The following UQCC1 variants were observed in gnomAD, a reference collection of about 807,000 sequenced individuals.
The protein encoded by UQCC1 is ubiquinol-cytochrome c reductase complex assembly factor 1, also known as bFGF-repressed Zic-binding protein.
In UQCC1, 38 loss-of-function variants were observed where a neutral mutation model predicts 48.0. That is an observed-to-expected ratio of 0.79 (90% CI 0.61 to 1.04). The LOEUF (loss-of-function observed/expected upper bound fraction) is 1.04, where lower values mean the gene tolerates loss of function less well. UQCC1 is among the 50% of genes least tolerant of loss of function. UQCC1 has a pLI of 0.00. For synonymous variants in UQCC1, 111 were observed against 129.2 expected (o/e 0.86, Z 0.95); for missense variants, 368 against 381.8 (o/e 0.96, Z 0.30).
At chr20:35,354,498 G>A (rs367727530) in intron 6 of UQCC1, among the ~76,000 whole-genome samples, 4 of 151,564 alleles carry the variant, frequency 2.6e-5, no homozygotes, top group African/African-American at 4.9e-5. Context: ...CTGGGTTCAC[G>A]CCATTCTTCT....
At chr20:35,328,488 G>A (rs1017093298) in intron 7 of UQCC1, among the ~76,000 whole-genome samples, 8 of 152,162 alleles carry the variant, frequency 5.3e-5, no homozygotes, top group Non-Finnish European at 8.8e-5. Flanking sequence ...TGCTACAAGC[G>A]ATGTAAGGTG....
chr20:35,313,709 G>C (rs998665291), intron 8 of UQCC1, among the ~76,000 whole-genome samples: 69 of 152,080 alleles, frequency 4.5e-4, no homozygotes, highest in African/African-American at 1.6e-3. Context: ...CGCCTCCCAG[G>C]TTCAAGAGAC....
At chr20:35,402,013 A>ACTAAT (rs780529799) in intron 1 of UQCC1, among the ~76,000 whole-genome samples, 17 of 152,186 alleles carry the variant, frequency 1.1e-4, no homozygotes, top group Middle Eastern at 3.2e-3. Context: ...TGCCATGGAT[A>ACTAAT]CTAACTCAAT....
intron 7 of UQCC1, among the ~76,000 whole-genome samples, chr20:35,331,046 C>A (rs1227094152): frequency 6.6e-6 from 1 of 152,058 alleles, no homozygotes; most frequent in Non-Finnish European, 1.5e-5. Flanking sequence ...TAGCCACAAA[C>A]ACCTATCGAA....
intron 6 of UQCC1, among the ~76,000 whole-genome samples, chr20:35,357,211 C>T (rs1186105933): frequency 6.6e-6 from 1 of 151,622 alleles, no homozygotes; most frequent in Non-Finnish European, 1.5e-5. Context: ...ATGACGAAAC[C>T]TCATCTCTAT....
At chr20:35,344,157 A>T (rs752831073) in intron 7 of UQCC1, 4 of 152,252 alleles carry the variant, frequency 2.6e-5, no homozygotes, top group Non-Finnish European at 5.9e-5. Context: ...TTCATTTGAC[A>T]ATTATTCAAT....
chr20:35,310,104 G>T (rs1162522969), intron 8 of UQCC1, among the ~76,000 whole-genome samples: 1 of 152,166 alleles, frequency 6.6e-6, no homozygotes, highest in Non-Finnish European at 1.5e-5. Context: ...ACTGTAGTTA[G>T]ATATTTACTG....
chr20:35,383,769 C>T (rs999127404), intron 3 of UQCC1, among the ~76,000 whole-genome samples: 1 of 151,930 alleles, frequency 6.6e-6, no homozygotes, highest in Admixed American at 6.6e-5. Flanking sequence ...GAGGATAGCT[C>T]GAGCTTGGGA....
At chr20:35,355,455 C>T (rs947928806) in intron 6 of UQCC1, among the ~76,000 whole-genome samples, 19 of 152,296 alleles carry the variant, frequency 1.2e-4, no homozygotes, top group African/African-American at 4.6e-4. Flanking sequence ...ATCGAATTTA[C>T]TAGGTAGTTA....
At chr20:35,371,405 T>C (rs1413203746) in intron 5 of UQCC1, among the ~76,000 whole-genome samples, 1 of 151,192 alleles carries the variant, frequency 6.6e-6, no homozygotes, top group Non-Finnish European at 1.5e-5. Context: ...TGGTGTGATC[T>C]CGACTCACTG....
intron 5 of UQCC1, among the ~76,000 whole-genome samples, chr20:35,373,097 T>C (rs1440584377): frequency 6.6e-6 from 1 of 152,162 alleles, no homozygotes; most frequent in Non-Finnish European, 1.5e-5. Flanking sequence ...ATTTAATCTC[T>C]CCCAATTACA....
In UQCC1 at chr20:35,393,481, C is replaced by T. The variant is rs1228682699; in HGVS notation, c.129+611G>A. Reference sequence around the variant, plus strand: ...ATAACATTACATATACATACACACACACACACACACAAACACACACAAACA... The same window carrying T: ...ATAACATTACATATACATACACACATACACACACACAAACACACACAAACA... On this transcript the variant is annotated intron_variant, in intron 2 of 9. Transcript: ENST00000374385. Among the ~76,000 whole-genome samples, 7 of 129,662 alleles carry T rather than the reference C, an allele frequency of 5.4e-5. No homozygotes were observed. The Admixed American group carries it at 6.0e-4, about 11-fold the overall frequency. The allele number at this position is 129,662 out of a possible 152,430, so 85.1% of individuals were successfully genotyped here. A position where few individuals can be genotyped will look rare whatever the true frequency, so the allele number is the denominator to read the frequency against.
chr20:35,320,482 T>G (rs1404947182), intron 7 of UQCC1, among the ~76,000 whole-genome samples: 2 of 152,082 alleles, frequency 1.3e-5, no homozygotes, highest in Non-Finnish European at 2.9e-5. Flanking sequence ...CTGGAAGGAA[T>G]GTAGCTGCCC....
intron 5 of UQCC1, among the ~76,000 whole-genome samples, chr20:35,371,357 A>G (rs1156753468): frequency 7.5e-6 from 1 of 132,460 alleles, no homozygotes; most frequent in Non-Finnish European, 1.6e-5. Flanking sequence ...TTTTTTTTTG[A>G]GATGGAGTCT....
At chr20:35,356,509 C>T (rs887367815) in intron 6 of UQCC1, among the ~76,000 whole-genome samples, 12 of 152,330 alleles carry the variant, frequency 7.9e-5, no homozygotes, top group African/African-American at 2.9e-4. Context: ...AACACAACTA[C>T]GTGCCAGGCA....
intron 4 of UQCC1, 66 bp downstream of exon 4, chr20:35,381,852 A>T: frequency 1.0e-6 from 1 of 963,276 alleles, no homozygotes; most frequent in Non-Finnish European, 1.6e-6. Context: ...AAGCTTTAAA[A>T]AATCTATTAG....
intron 5 of UQCC1, among the ~76,000 whole-genome samples, chr20:35,371,057 T>A (rs2061724108): frequency 6.6e-6 from 1 of 152,216 alleles, no homozygotes; most frequent in African/African-American, 2.4e-5. Context: ...TATAAAACCA[T>A]ACTATATGAG....
Position 35,403,045 on chromosome 20 carries a change from G to C in UQCC1, c.25-8849C>G, listed in dbSNP as rs1266017297. On this transcript the variant is annotated intron_variant, in intron 1 of 9. Coordinates refer to ENST00000374385, the MANE Select transcript of UQCC1 (RefSeq NM_018244.5). ...TCGCGCCATTGCACTCCAGCCTAGG[G>C]GACAAGAGCGAGACTTCGTCTCAAA... Among the ~76,000 whole-genome samples the C allele has an allele frequency of 5.3e-5, 8 of 150,198 alleles. No individual in the cohort carries two copies. In the Admixed American group the frequency reaches 5.4e-4, roughly 10 times the overall value.
intron 1 of UQCC1, among the ~76,000 whole-genome samples, chr20:35,409,758 G>A (rs1437157753): frequency 2.6e-5 from 4 of 151,242 alleles, no homozygotes; most frequent in Admixed American, 2.6e-4. Flanking sequence ...TGGCTGACAA[G>A]ACAAAAAGAG....
Sources: gnomAD v4.1 joint callset for allele counts (sites outside exome capture counted in the v4.1 genomes callset) on GRCh38, gnomAD v4.1.1 for gene constraint, MANE v1.5 for transcripts, NCBI Gene and HGNC (gene_info 2026-07-23, HGNC 2026-07-21) for gene names.